ATP8B4: variants seen among roughly 807,000 people sequenced by gnomAD.
The protein encoded by ATP8B4 is probable phospholipid-transporting ATPase IM.
Under a neutral mutation model 145.6 loss-of-function variants are expected in ATP8B4, and 133 were observed. That is an observed-to-expected ratio of 0.91 (90% confidence interval 0.79 to 1.05). The LOEUF is 1.05. ATP8B4 is among the 50% of genes least tolerant of loss of function. ATP8B4 has a pLI of 0.00. For missense variants in ATP8B4, 1,458 were observed against 1,425.2 expected, an observed-to-expected ratio of 1.02 and a Z score of -0.37; for synonymous variants, 507 against 492.9, an observed-to-expected ratio of 1.03 and a Z score of -0.38.
intron 20 of ATP8B4, among the ~76,000 whole-genome samples, chr15:49,904,556 G>T (rs1371466657): frequency 2.6e-5 from 4 of 152,126 alleles, no homozygotes; most frequent in African/African-American, 9.7e-5. Context: ...GTGACTAGGG[G>T]TTAGGAATTA....
rs182103387 is a variant in ATP8B4, at chr15:49,924,818, G to C, written c.1643-1324C>G. On this transcript the variant is annotated intron_variant, in intron 16 of 27. Coordinates refer to ENST00000284509, the MANE Select transcript of ATP8B4 (RefSeq NM_024837.4). ...CTCTAGCTCTAACCCCTACATTGGG[G>C]AAAAAGAAAGAGAAAAACATATGCA... 2.6e-3 allele frequency among the ~76,000 whole-genome samples: 398 copies of C among 152,172 alleles called. 1 individual carries two copies. The highest frequency in any genetic ancestry group is 9.3e-3 in the African/African-American group (385 of 41,508).
At position 50,028,496 on chromosome 15, in the gene ATP8B4, T is replaced by C. The variant is rs779668306; in HGVS notation, c.362+10272A>G. Among the ~76,000 whole-genome samples, 39 of 152,182 alleles carry C rather than the reference T, an allele frequency of 2.6e-4. 1 individual carries two copies. Among genetic ancestry groups the C allele is most frequent in the Non-Finnish European group, 4.6e-4 (31 of 68,034 alleles). ...CATTGTTTCATCTGCAGAGCCTGTA[T>C]ACTGACAAGAACTTTTGAGAGCTGC... On this transcript the variant is annotated intron_variant, in intron 6 of 27. Coordinates refer to ENST00000284509, the MANE Select transcript of ATP8B4 (RefSeq NM_024837.4).
At chr15:50,098,810 T>C (rs1321648146) in intron 2 of ATP8B4, among the ~76,000 whole-genome samples, 2 of 152,036 alleles carry the variant, frequency 1.3e-5, no homozygotes, top group Non-Finnish European at 2.9e-5. Flanking sequence ...GTAGGCAGAG[T>C]GCCTAGGGCC....
intron 6 of ATP8B4, among the ~76,000 whole-genome samples, chr15:50,024,673 G>T (rs2049872369): frequency 6.6e-6 from 1 of 152,182 alleles, no homozygotes; most frequent in Non-Finnish European, 1.5e-5. Flanking sequence ...GGTGTCTAGG[G>T]CTGCCTGTCA....
At chr15:49,948,961 G>A (rs1299154206) in intron 14 of ATP8B4, among the ~76,000 whole-genome samples, 1 of 152,026 alleles carries the variant, frequency 6.6e-6, no homozygotes, top group Non-Finnish European at 1.5e-5. Context: ...CAGGTTCGTC[G>A]AAGATCAGAT....
intron 1 of ATP8B4, among the ~76,000 whole-genome samples, chr15:50,155,587 T>C (rs942818719): frequency 1.3e-5 from 2 of 152,156 alleles, no homozygotes; most frequent in African/African-American, 4.8e-5. Context: ...GTATATATTT[T>C]ACATAAACAC....
chr15:49,873,924 T>G (rs2034015381), intron 25 of ATP8B4, among the ~76,000 whole-genome samples: 1 of 152,220 alleles, frequency 6.6e-6, no homozygotes, highest in Non-Finnish European at 1.5e-5. Flanking sequence ...TTGGGCACAT[T>G]TGAAAACTGT....
intron 3 of ATP8B4, among the ~76,000 whole-genome samples, chr15:50,063,438 A>T (rs2053168201): frequency 6.6e-6 from 1 of 152,132 alleles, no homozygotes; most frequent in Admixed American, 6.6e-5. Context: ...ATCAATGACA[A>T]TACAGAGAGA....
chr15:49,889,925 A>C (rs561564733), intron 23 of ATP8B4, among the ~76,000 whole-genome samples: 2 of 152,370 alleles, frequency 1.3e-5, no homozygotes, highest in Non-Finnish European at 2.9e-5. Flanking sequence ...AAGAATATTT[A>C]GGCGCTTATG....
chr15:49,983,342 CA>C (rs1242395802), intron 10 of ATP8B4, among the ~76,000 whole-genome samples: 1 of 152,206 alleles, frequency 6.6e-6, no homozygotes, highest in Non-Finnish European at 1.5e-5. Context: ...TGAGCATCAT[CA>C]CCATCCATCC....
intron 12 of ATP8B4, among the ~76,000 whole-genome samples, chr15:49,978,667 C>T (rs1327307983): frequency 6.6e-6 from 1 of 151,638 alleles, no homozygotes; most frequent in Non-Finnish European, 1.5e-5. Context: ...CAGTCTGGCT[C>T]AGCCTTGTTA....
At chr15:50,079,217 C>T (rs142651167) in intron 2 of ATP8B4, among the ~76,000 whole-genome samples, 1,922 of 152,000 alleles carry the variant, frequency 0.013, 38 homozygotes, top group South Asian at 0.054. Flanking sequence ...CTACTATGTA[C>T]TCACAAAAAT....
rs113805011 is a variant in ATP8B4, at chr15:49,936,948, T to C, written c.1288-2766A>G. Among the ~76,000 whole-genome samples, 843 of 152,118 alleles carry C rather than the reference T, an allele frequency of 5.5e-3. 4 individuals carry two copies. The highest frequency in any genetic ancestry group is 0.014 in the Middle Eastern group (4 of 294). ...TTTTTTTTTTAATTTCCAGGAACTC[T>C]TTTCTTTTTTTCCTGTGTTCTCTCC... On this transcript the variant is annotated intron_variant, in intron 14 of 27. Transcript: ENST00000284509.
chr15:50,158,071 G>C (rs2044450093), intron 1 of ATP8B4, among the ~76,000 whole-genome samples: 1 of 152,238 alleles, frequency 6.6e-6, no homozygotes, highest in Non-Finnish European at 1.5e-5. Context: ...GTGGTGCCCA[G>C]GCTGGAGTGC....
At chr15:49,945,847 C>A (rs1293707104) in intron 14 of ATP8B4, among the ~76,000 whole-genome samples, 2 of 152,100 alleles carry the variant, frequency 1.3e-5, no homozygotes, top group South Asian at 4.1e-4. Flanking sequence ...CAGAAAAATA[C>A]CTTATCATAA....
intron 1 of ATP8B4, among the ~76,000 whole-genome samples, chr15:50,108,513 T>C (rs1457902116): frequency 6.6e-6 from 1 of 152,142 alleles, no homozygotes; most frequent in Non-Finnish European, 1.5e-5. Context: ...CCTGCTCCCA[T>C]GCTTCCCTGC....
intron 10 of ATP8B4, among the ~76,000 whole-genome samples, chr15:49,983,490 C>A (rs2046329442): frequency 6.6e-6 from 1 of 152,170 alleles, no homozygotes; most frequent in Admixed American, 6.5e-5. Flanking sequence ...CTTCCCTCTC[C>A]TTTCCTAATC....
intron 1 of ATP8B4, among the ~76,000 whole-genome samples, chr15:50,168,930 C>T (rs558775013): frequency 6.6e-6 from 1 of 152,280 alleles, no homozygotes; most frequent in African/African-American, 2.4e-5. Context: ...CCCTGACAAC[C>T]TGCATGACTC....
upstream of ATP8B4, among the ~76,000 whole-genome samples, chr15:50,122,051 ATAAGTC>A (rs1367508071): frequency 6.6e-6 from 1 of 152,198 alleles, no homozygotes; most frequent in African/African-American, 2.4e-5. Context: ...CCACACAACT[ATAAGTC>A]TAATATACAA....
Sources: allele counts gnomAD v4.1 joint callset (sites outside exome capture counted in the v4.1 genomes callset), GRCh38; gene constraint gnomAD v4.1.1; transcripts MANE v1.5; gene names NCBI Gene and HGNC (gene_info 2026-07-23, HGNC 2026-07-21).